The following KDM3A variants were observed in gnomAD, a reference collection of about 807,000 sequenced individuals.
KDM3A encodes lysine-specific demethylase 3A.
In KDM3A, 60 loss-of-function variants were observed where a neutral mutation model predicts 158.0. The observed-to-expected ratio is 0.38, with a 90% CI of 0.31 to 0.47. The LOEUF (loss-of-function observed/expected upper bound fraction) is 0.47. Ranked by LOEUF, KDM3A falls within the 20% of genes least tolerant of loss-of-function variation. KDM3A has a pLI of 0.99. For missense variants in KDM3A, 1,319 were observed against 1,574.3 expected (o/e 0.84, Z 2.74); for synonymous variants, 608 against 549.3 (o/e 1.11, Z -1.49).
At chr2:86,468,998 A>C (rs920809483) in intron 10 of KDM3A, among the ~76,000 whole-genome samples, 2 of 152,228 alleles carry the variant, frequency 1.3e-5, no homozygotes, top group African/African-American at 4.8e-5. Context: ...CTCAACTCAA[A>C]GGATGTCTTT....
chr2:86,443,134 A>G (rs1379808615), intron 2 of KDM3A: 1 of 152,238 alleles, frequency 6.6e-6, no homozygotes, highest in Non-Finnish European at 1.5e-5. Flanking sequence ...GGTTCCTAAC[A>G]AAGACTCCAA....
chr2:86,479,266 GCTGTCC>G (rs1673810146), intron 15 of KDM3A: 2 of 152,476 alleles, frequency 1.3e-5, no homozygotes, highest in Non-Finnish European at 2.9e-5. Context: ...TGTACGTCTT[GCTGTCC>G]CTTCTCCCCC....
At position 86,483,072 on chromosome 2, in the gene KDM3A, T is replaced by A. The variant is rs930906289; in HGVS notation, c.2922+378T>A. 1.4e-5 allele frequency: 3 copies of A among 210,960 alleles called. No individual in the cohort carries two copies. The Admixed American group carries it at 1.6e-4, about 12-fold the overall frequency. The allele number at this position is 210,960 out of a possible 1,614,324, so 13.1% of individuals were successfully genotyped here. A position where few individuals can be genotyped will look rare whatever the true frequency, so the allele number is the denominator to read the frequency against. ...AAATCATGCACCCCTCTTACCTGAATGAAAAGCCTGTGCTGAAGGCAGTTC... is the reference window on the plus strand; with the variant it reads ...AAATCATGCACCCCTCTTACCTGAAAGAAAAGCCTGTGCTGAAGGCAGTTC... On this transcript the variant is annotated intron_variant, in intron 18 of 25. Transcript: ENST00000312912.
In KDM3A at chr2:86,477,844, T is replaced by C. The variant is rs549393046; in HGVS notation, c.1940-33T>C. On this transcript the variant is annotated intron_variant, in intron 12 of 25. Transcript: ENST00000312912. ...TTTTTGGTTTCAGAAGCCCTCTCCT[T>C]CCAAAGACTAAGTGATTTACTGATT... 166 of 1,563,662 alleles carry C rather than the reference T, an allele frequency of 1.1e-4. 3 individuals are homozygous for C. The South Asian group carries it at 1.8e-3, about 17-fold the overall frequency.
intron 11 of KDM3A, 34 bp from the exon 12 acceptor site, chr2:86,474,742 T>TAC (rs57948637): frequency 1.8e-6 from 2 of 1,083,040 alleles, no homozygotes; most frequent in East Asian, 2.4e-5. Flanking sequence ...TGTGTGTGTG[T>TAC]ACATTACATC....
chr2:86,472,421 C>G (rs1452735722), intron 11 of KDM3A, among the ~76,000 whole-genome samples: 5 of 152,004 alleles, frequency 3.3e-5, no homozygotes, highest in Admixed American at 2.0e-4. Flanking sequence ...TCTCATTAAA[C>G]TCTTCTGCAA....
At chr2:86,440,463 C>T (rs997486441), upstream of KDM3A, among the ~76,000 whole-genome samples, 1 of 152,200 alleles carries the variant, frequency 6.6e-6, no homozygotes, top group African/African-American at 2.4e-5. Flanking sequence ...ACAATCACCT[C>T]TAAACTCCTT....
At chr2:86,460,156 A>T (rs949855246) in intron 8 of KDM3A, among the ~76,000 whole-genome samples, 1 of 152,224 alleles carries the variant, frequency 6.6e-6, no homozygotes, top group Non-Finnish European at 1.5e-5. Flanking sequence ...AATACTTCAA[A>T]TGTAATGTAA....
At chr2:86,445,673 T>C (rs945497468) in intron 2 of KDM3A, among the ~76,000 whole-genome samples, 1 of 152,246 alleles carries the variant, frequency 6.6e-6, no homozygotes, top group Non-Finnish European at 1.5e-5. Context: ...GACTAATGCC[T>C]AGCCTTTCAT....
intron 10 of KDM3A, among the ~76,000 whole-genome samples, chr2:86,469,579 A>G (rs904575665): frequency 2.6e-5 from 4 of 152,178 alleles, no homozygotes; most frequent in Admixed American, 1.3e-4. Context: ...TTTACTTAGA[A>G]TGATAATCCT....
rs1175716675 is a variant in KDM3A at position 86,492,186 on chromosome 2, C to CT, written c.*70dup. On this transcript the variant is annotated 3_prime_UTR_variant, in exon 26 of 26. Coordinates refer to ENST00000312912, the MANE Select transcript of KDM3A (RefSeq NM_018433.6). ...ACTCTTCAGGCAGGATTCCTGTGGACTTTGAGATTCATGTTACCTCATCTT... is the reference window on the plus strand; with the variant it reads ...ACTCTTCAGGCAGGATTCCTGTGGACTTTTGAGATTCATGTTACCTCATCTT... The CT allele has an allele frequency of 8.6e-7, 1 of 1,161,512 alleles. No individual in the cohort carries two copies. Among genetic ancestry groups the CT allele is most frequent in the Non-Finnish European group, 1.3e-6 (1 of 778,848 alleles). 72.0% of individuals were successfully genotyped at this position (1,161,512 alleles called of 1,614,324 possible).
chr2:86,447,744 CATAAGT>C (rs1444847497), intron 2 of KDM3A, among the ~76,000 whole-genome samples: 4 of 152,174 alleles, frequency 2.6e-5, no homozygotes, highest in African/African-American at 9.7e-5. Context: ...CCTTTGTAAT[CATAAGT>C]ATTTTATTTT....
rs115244116 is a variant in KDM3A at position 86,446,943 on chromosome 2, C to A, written c.187-2864C>A. ...TCTCCCACCTCAGCCTCCTGAATATCTAGGACCACAGGTGGGCACCACCAC... is the reference window on the plus strand; with the variant it reads ...TCTCCCACCTCAGCCTCCTGAATATATAGGACCACAGGTGGGCACCACCAC... On this transcript the variant is annotated intron_variant, in intron 2 of 25. Transcript: ENST00000312912. Among the ~76,000 whole-genome samples, 655 of 152,254 alleles carry A rather than the reference C, an allele frequency of 4.3e-3. 2 individuals are homozygous for A. Among genetic ancestry groups the A allele is most frequent in the Middle Eastern group, 0.017 (5 of 294 alleles).
upstream of KDM3A, among the ~76,000 whole-genome samples, chr2:86,438,758 TGTAA>T (rs940417673): frequency 3.3e-5 from 5 of 152,058 alleles, no homozygotes; most frequent in East Asian, 1.9e-4. Context: ...TAACCATTAC[TGTAA>T]GTTTTAATAA....
Position 86,478,181 on chromosome 2 carries a change from A to C in KDM3A, c.2104A>C (p.Lys702Gln). 1 of 1,614,082 alleles carries C rather than the reference A, an allele frequency of 6.2e-7. No individual in the cohort carries two copies. Among genetic ancestry groups the C allele is most frequent in the Non-Finnish European group, 8.5e-7 (1 of 1,179,882 alleles). The change falls in exon 14 of 26, where the codon AAG becomes CAG. Residue 702 changes from lysine (K) to glutamine (Q), a missense_variant. Physicochemically the swap from Lys to Gln is moderately conservative, Grantham distance 53. Transcript: ENST00000312912. ...TCAGTTATTTGCAGGTGCTGCTTACAAGACTTTCTCTTGGCTAAAATGTGT... is the reference window on the plus strand; with the variant it reads ...TCAGTTATTTGCAGGTGCTGCTTACCAGACTTTCTCTTGGCTAAAATGTGT... Reference protein sequence around the residue: ...RKNCQQGAAYKTFSWLKCVKS... With the variant: ...RKNCQQGAAYQTFSWLKCVKS...
intron 14 of KDM3A, 86 bp from the exon 15 acceptor site, chr2:86,478,522 G>A: frequency 1.4e-6 from 2 of 1,442,380 alleles, no homozygotes; most frequent in Non-Finnish European, 1.9e-6. Flanking sequence ...GTAATCCTGT[G>A]GGGAATGCCA....
intron 8 of KDM3A, among the ~76,000 whole-genome samples, chr2:86,458,999 G>A (rs55866634): frequency 0.13 from 20,364 of 152,028 alleles, 1,471 homozygotes; most frequent in Non-Finnish European, 0.16. Flanking sequence ...AGCAGTAGTT[G>A]GATTTGGTGG....
At chr2:86,452,802 A>G (rs1393356968) in intron 4 of KDM3A, among the ~76,000 whole-genome samples, 1 of 152,156 alleles carries the variant, frequency 6.6e-6, no homozygotes, top group Non-Finnish European at 1.5e-5. Flanking sequence ...CCATACTTCC[A>G]TATCTGGAAA....
intron 10 of KDM3A, among the ~76,000 whole-genome samples, chr2:86,467,722 A>C (rs1381126157): frequency 6.6e-6 from 1 of 152,198 alleles, no homozygotes; most frequent in Non-Finnish European, 1.5e-5. Context: ...ATTGATATGG[A>C]TTTTGTTAAT....
Sources: allele counts gnomAD v4.1 joint callset (sites outside exome capture counted in the v4.1 genomes callset), GRCh38; gene constraint gnomAD v4.1.1; transcripts MANE v1.5; gene names NCBI Gene and HGNC (gene_info 2026-07-23, HGNC 2026-07-21).